CCDC171: variants seen among roughly 807,000 people sequenced by gnomAD.
The protein encoded by CCDC171 is coiled-coil domain-containing protein 171.
In CCDC171, 177 loss-of-function variants were observed where a neutral mutation model predicts 168.2. That is an observed-to-expected ratio of 1.05 (90% CI 0.93 to 1.19). CCDC171 has a LOEUF of 1.19. Among genes scored for constraint, CCDC171 ranks in the 50% most tolerant of loss-of-function variants. The pLI is 0.00. For synonymous variants in CCDC171, 687 were observed against 540.8 expected (o/e 1.27, Z -3.75); for missense variants, 1,991 against 1,539.0 (o/e 1.29, Z -4.91).
At chr9:16,071,456 G>C in the CCDC171 span, among the ~76,000 whole-genome samples, 5 of 152,260 alleles carry the variant, frequency 3.3e-5, no homozygotes, top group East Asian at 9.7e-4. Context: ...AGACTTTCCA[G>C]CTACTCTTGT....
intron 24 of CCDC171, among the ~76,000 whole-genome samples, chr9:15,915,193 T>C (rs991916371): frequency 6.6e-6 from 1 of 152,182 alleles, no homozygotes; most frequent in Non-Finnish European, 1.5e-5. Context: ...AGAGATTGCA[T>C]TGGATCTATA....
chr9:15,628,690 A>G (rs935039923), intron 7 of CCDC171, among the ~76,000 whole-genome samples: 4 of 152,210 alleles, frequency 2.6e-5, no homozygotes, highest in African/African-American at 2.4e-5. Flanking sequence ...TTCTCCCAGC[A>G]CGCAGCTGGA....
chr9:15,805,482 G>T (rs1301106549), intron 21 of CCDC171, among the ~76,000 whole-genome samples: 1 of 151,978 alleles, frequency 6.6e-6, no homozygotes, highest in Non-Finnish European at 1.5e-5. Flanking sequence ...CTTGATTTCT[G>T]CCTTAATTTC....
chr9:15,968,537 CTTTTTTT>C (rs35265243), intron 25 of CCDC171, among the ~76,000 whole-genome samples: 1 of 88,830 alleles, frequency 1.1e-5, no homozygotes, highest in Non-Finnish European at 2.2e-5. Context: ...TTGTTGCTGG[CTTTTTTT>C]TTTTTTTTTT....
At chr9:15,726,523 A>G (rs925911902) in intron 14 of CCDC171, among the ~76,000 whole-genome samples, 40 of 152,322 alleles carry the variant, frequency 2.6e-4, no homozygotes, top group African/African-American at 9.6e-4. Flanking sequence ...AAAAGTCATC[A>G]TTAACTGCTT....
intron 4 of CCDC171, among the ~76,000 whole-genome samples, chr9:15,590,789 CTTTCTT>C (rs2041936665): frequency 7.5e-6 from 1 of 133,160 alleles, no homozygotes; most frequent in South Asian, 2.5e-4. Context: ...TTCTTTCTTT[CTTTCTT>C]TCTTTCTTTC....
chr9:15,943,838 A>G (rs1464103641), intron 25 of CCDC171, among the ~76,000 whole-genome samples: 1 of 152,018 alleles, frequency 6.6e-6, no homozygotes, highest in Non-Finnish European at 1.5e-5. Flanking sequence ...GTAGTGCAAT[A>G]AGGTGATAAA....
At chr9:15,827,967 G>C (rs576333426) in intron 21 of CCDC171, among the ~76,000 whole-genome samples, 12 of 152,258 alleles carry the variant, frequency 7.9e-5, no homozygotes, top group African/African-American at 2.9e-4. Flanking sequence ...CTGAGGTGAG[G>C]ACCTTTCTTT....
At chr9:15,693,333 G>T (rs974719664) in intron 10 of CCDC171, among the ~76,000 whole-genome samples, 1 of 151,988 alleles carries the variant, frequency 6.6e-6, no homozygotes, top group Non-Finnish European at 1.5e-5. Flanking sequence ...ATTGATGAAG[G>T]GCATCCTCCT....
intron 7 of CCDC171, among the ~76,000 whole-genome samples, chr9:15,650,836 C>A (rs1031952296): frequency 4.6e-5 from 7 of 152,016 alleles, no homozygotes; most frequent in Admixed American, 3.3e-4. Flanking sequence ...TCATCTTGAA[C>A]ATTGATCATT....
intron 7 of CCDC171, among the ~76,000 whole-genome samples, chr9:15,628,322 C>T (rs956935555): frequency 2.0e-5 from 3 of 152,206 alleles, no homozygotes; most frequent in East Asian, 1.9e-4. Context: ...GTCACTCCCA[C>T]CCCAATACTG....
At chr9:15,703,197 C>T (rs145371113) in intron 11 of CCDC171, among the ~76,000 whole-genome samples, 2,115 of 152,284 alleles carry the variant, frequency 0.014, 60 homozygotes, top group African/African-American at 0.048. Flanking sequence ...TGAGCCACCA[C>T]GCCCGGCCGG....
At chr9:16,052,961 C>T (rs1375479929) in intron 1 of CCDC171, among the ~76,000 whole-genome samples, 6 of 152,104 alleles carry the variant, frequency 3.9e-5, no homozygotes, top group Admixed American at 3.3e-4. Context: ...GACAGATGGA[C>T]TTCCGCTCTT....
chr9:15,780,901 A>T lies in CCDC171; in HGVS notation c.3081+1751A>T, dbSNP rs1004881132. Among the ~76,000 whole-genome samples the T allele has an allele frequency of 5.3e-5, 8 of 152,282 alleles. No homozygotes were observed. In the South Asian group the frequency reaches 1.7e-3, roughly 32 times the overall value. Reference sequence around the variant, plus strand: ...TTGCCATTTTACTTAAATAATAAAGAGATGTTTATACTTTTAAAAACGAAT... The same window carrying T: ...TTGCCATTTTACTTAAATAATAAAGTGATGTTTATACTTTTAAAAACGAAT... On this transcript the variant is annotated intron_variant, in intron 20 of 25. Transcript: ENST00000380701.
chr9:15,754,966 A>T (rs749410068), intron 18 of CCDC171, among the ~76,000 whole-genome samples: 1 of 152,180 alleles, frequency 6.6e-6, no homozygotes, highest in Non-Finnish European at 1.5e-5. Flanking sequence ...TAAATGTTAT[A>T]TGTAGCTATA....
At chr9:15,808,700 G>C (rs563111040) in intron 21 of CCDC171, among the ~76,000 whole-genome samples, 3 of 152,296 alleles carry the variant, frequency 2.0e-5, no homozygotes, top group African/African-American at 7.2e-5. Flanking sequence ...ATGGAATTGA[G>C]CAGGTGAGAT....
In CCDC171 at chr9:15,691,160, C is replaced by T. The variant is rs916776638; in HGVS notation, c.1216-4075C>T. ...TATGTAAGAATGTATATTGTAGTGTCGTCACTAATAGCAAAAAAAACTGCC... is the reference window on the plus strand; with the variant it reads ...TATGTAAGAATGTATATTGTAGTGTTGTCACTAATAGCAAAAAAAACTGCC... On this transcript the variant is annotated intron_variant, in intron 10 of 25. Coordinates refer to ENST00000380701, the MANE Select transcript of CCDC171 (RefSeq NM_173550.4). Among the ~76,000 whole-genome samples, 8 of 151,950 alleles carry T rather than the reference C, an allele frequency of 5.3e-5. No individual in the cohort carries two copies. The East Asian group carries it at 1.4e-3, about 26-fold the overall frequency.
chr9:15,661,003 G>A (rs1257494646), intron 8 of CCDC171, among the ~76,000 whole-genome samples: 2 of 151,710 alleles, frequency 1.3e-5, no homozygotes, highest in East Asian at 3.9e-4. Flanking sequence ...TTTTTTTGCC[G>A]GGCGCGGGGG....
chr9:16,086,103 G>A, the CCDC171 span, among the ~76,000 whole-genome samples: 1 of 152,058 alleles, frequency 6.6e-6, no homozygotes, highest in Non-Finnish European at 1.5e-5. Context: ...TGATTTGTAG[G>A]CTATTAATTA....
Sources: gnomAD v4.1 joint callset for allele counts (sites outside exome capture counted in the v4.1 genomes callset) on GRCh38, gnomAD v4.1.1 for gene constraint, MANE v1.5 for transcripts, NCBI Gene and HGNC (gene_info 2026-07-23, HGNC 2026-07-21) for gene names.